Variants in KNSTRN observed in about 807,000 individuals in gnomAD.
KNSTRN encodes the protein kinetochore localized astrin (SPAG5) binding protein.
KNSTRN carries 38 observed loss-of-function variants against 44.7 expected under a neutral mutation model. The ratio of observed to expected loss-of-function variants is 0.85; its 90% CI spans 0.66 to 1.11. The LOEUF is 1.11. Among genes scored for constraint, KNSTRN ranks in the 50% most tolerant of loss-of-function variants. The pLI, the probability that KNSTRN is intolerant of heterozygous loss-of-function variation, is 0.00. For missense variants in KNSTRN, 406 were observed against 375.8 expected (o/e 1.08, Z -0.66); for synonymous variants, 158 against 148.1 (o/e 1.07, Z -0.48).
intron 8 of KNSTRN, 175 bp from the exon 9 acceptor site, chr15:40,393,294 T>C: frequency 1.2e-6 from 2 of 1,611,342 alleles, no homozygotes; most frequent in Admixed American, 3.4e-5. Flanking sequence ...AGAGGGACAA[T>C]TCCTAAAACC....
chr15:40,393,344 GT>G, intron 8 of KNSTRN, 124 bp from the exon 9 acceptor site: 1 of 1,598,770 alleles, frequency 6.3e-7, no homozygotes. Context: ...GATACAGTCT[GT>G]TGATACTCCA....
intron 7 of KNSTRN, 33 bp downstream of exon 7, chr15:40,391,587 T>A: frequency 6.5e-7 from 1 of 1,542,142 alleles, no homozygotes; most frequent in Non-Finnish European, 9.0e-7. Context: ...GCGCAAGGGC[T>A]GAGTGACTGT....
intron 2 of KNSTRN, among the ~76,000 whole-genome samples, chr15:40,385,355 A>G (rs1226595843): frequency 6.6e-6 from 1 of 152,212 alleles, no homozygotes; most frequent in Middle Eastern, 3.2e-3. Context: ...TGGCAGGGCC[A>G]TTTCTCTGGT....
intron 2 of KNSTRN, chr15:40,384,144 T>A (rs1299563666): frequency 4.9e-6 from 1 of 203,620 alleles, no homozygotes; most frequent in Non-Finnish European, 1.0e-5. Flanking sequence ...GAGGGCGAGG[T>A]GGGCAGATCA....
At chr15:40,383,943 G>A (rs1889858913) in intron 2 of KNSTRN, 1 of 153,624 alleles carries the variant, frequency 6.5e-6, no homozygotes, top group South Asian at 2.0e-4. Context: ...TGCAGTCGGG[G>A]AACTGCCTAA....
chr15:40,386,551 A>G (rs1306001190), intron 3 of KNSTRN, 57 bp downstream of exon 3: 3 of 1,576,094 alleles, frequency 1.9e-6, no homozygotes, highest in Admixed American at 1.8e-5. Flanking sequence ...TGCTCAATAC[A>G]AAGAATTAGA....
chr15:40,389,749 A>G (rs182892573), intron 5 of KNSTRN, 87 bp from the exon 6 acceptor site: 76 of 1,409,482 alleles, frequency 5.4e-5, no homozygotes, highest in African/African-American at 2.6e-4. Flanking sequence ...GGCTTTTGCT[A>G]TGGCTGTCCA....
chr15:40,389,625 C>G lies in KNSTRN; in HGVS notation c.591+14C>G. On this transcript the variant is annotated intron_variant, in intron 5 of 8. Coordinates refer to ENST00000249776, the MANE Select transcript of KNSTRN (RefSeq NM_033286.4). Reference sequence around the variant, plus strand: ...ACTGAAACTCAGGTAAGAGACCCACCAGAGCTCTGTTACCAGCTGCCACTG... The same window carrying G: ...ACTGAAACTCAGGTAAGAGACCCACGAGAGCTCTGTTACCAGCTGCCACTG... 1 of 1,579,610 alleles carries G rather than the reference C, an allele frequency of 6.3e-7. No homozygotes were observed. The highest frequency in any genetic ancestry group is 1.3e-5 in the African/African-American group (1 of 74,262).
chr15:40,389,989 G>A lies in KNSTRN; in HGVS notation c.685+60G>A, dbSNP rs1889971577. The A allele has an allele frequency of 3.0e-6, 4 of 1,350,686 alleles. No individual in the cohort carries two copies. The East Asian group carries it at 9.2e-5, about 31-fold the overall frequency. 83.7% of individuals were successfully genotyped at this position (1,350,686 alleles called of 1,614,324 possible). ...GAATTGGTGCATGTGCCCCTTCCGG[G>A]GTTGATCTTGGCAGCATGGCATCAG... On this transcript the variant is annotated intron_variant, in intron 6 of 8. Transcript: ENST00000249776.
chr15:40,389,810 GATCTGTCTGT>G lies in KNSTRN; in HGVS notation c.592-25_592-16del, dbSNP rs1889967593. 3 of 1,605,806 alleles carry G rather than the reference GATCTGTCTGT, an allele frequency of 1.9e-6. No individual in the cohort carries two copies. The highest frequency in any genetic ancestry group is 2.7e-5 in the African/African-American group (2 of 74,810). On this transcript the variant is annotated splice_polypyrimidine_tract_variant and intron_variant, in intron 5 of 8. Transcript: ENST00000249776. Reference sequence around the variant, plus strand: ...ACCCCTAGGGAGTTGGACAATTCCTGATCTGTCTGTGCTGTGCTCCAATAGGGAGAGCTGA... The same window carrying G: ...ACCCCTAGGGAGTTGGACAATTCCTGGCTGTGCTCCAATAGGGAGAGCTGA...
intron 2 of KNSTRN, chr15:40,383,928 G>C (rs1055586605): frequency 6.5e-6 from 1 of 153,468 alleles, no homozygotes; most frequent in Non-Finnish European, 1.5e-5. Flanking sequence ...TCATCTCATG[G>C]GGTCTGCAGT....
intron 6 of KNSTRN, among the ~76,000 whole-genome samples, chr15:40,391,240 A>C (rs893239905): frequency 6.6e-6 from 1 of 152,264 alleles, no homozygotes; most frequent in African/African-American, 2.4e-5. Flanking sequence ...CAAATTGTCC[A>C]CTGACCTAAG....
chr15:40,387,533 T>C (rs1201042302), intron 4 of KNSTRN, among the ~76,000 whole-genome samples: 1 of 152,116 alleles, frequency 6.6e-6, no homozygotes, highest in Non-Finnish European at 1.5e-5. Flanking sequence ...TGGGTGTATG[T>C]AGTTAGTGAT....
intron 8 of KNSTRN, 59 bp downstream of exon 8, chr15:40,392,082 G>T: frequency 1.0e-6 from 1 of 1,003,908 alleles, no homozygotes; most frequent in Non-Finnish European, 1.4e-6. Flanking sequence ...TTATAGTGGG[G>T]TCTTTTCTGT....
Position 40,389,836 on chromosome 15 carries a change from G to C in KNSTRN, c.592G>C (p.Gly198Arg). 6.2e-7 allele frequency: 1 copy of C among 1,614,074 alleles called. No individual in the cohort carries two copies. The highest frequency in any genetic ancestry group is 2.2e-5 in the East Asian group (1 of 44,892). ...QLHQKLTETQ[G>R]ELKDLTQKVE... ...ATCTGTCTGTGCTGTGCTCCAATAG[G>C]GAGAGCTGAAGGACCTGACCCAGAA... The change falls in exon 6 of 9, where the codon GGA becomes CGA. Residue 198 changes from glycine (G) to arginine (R), a missense_variant and splice_region_variant. Transcript: ENST00000249776.
chr15:40,389,640 A>C, intron 5 of KNSTRN, 29 bp downstream of exon 5: 1 of 1,526,246 alleles, frequency 6.6e-7, no homozygotes. Flanking sequence ...CTCTGTTACC[A>C]GCTGCCACTG....
At chr15:40,386,283 G>T in intron 2 of KNSTRN, 79 bp from the exon 3 acceptor site, 8 of 1,382,192 alleles carry the variant, frequency 5.8e-6, no homozygotes, top group South Asian at 2.8e-5. Flanking sequence ...TGACAACTTC[G>T]AATGGGGCTC....
chr15:40,391,909 T>C lies in KNSTRN; in HGVS notation c.748-40T>C, dbSNP rs576978532. 2.0e-6 allele frequency: 3 copies of C among 1,522,568 alleles called. No individual in the cohort carries two copies. In the Admixed American group the frequency reaches 5.5e-5, roughly 28 times the overall value. The allele number at this position is 1,522,568 out of a possible 1,614,324, so 94.3% of individuals were successfully genotyped here. A position where few individuals can be genotyped will look rare whatever the true frequency, so the allele number is the denominator to read the frequency against. ...CCATCATCTAATGCAAGTCTGGTTT[T>C]ATATGAAGATTTGTTTACTACATTG... On this transcript the variant is annotated intron_variant, in intron 7 of 8. Transcript: ENST00000249776.
At position 40,393,615 on chromosome 15, in the gene KNSTRN, G is replaced by C; in HGVS notation, c.*18G>C. 1 of 1,611,158 alleles carries C rather than the reference G, an allele frequency of 6.2e-7. No homozygotes were observed. Among genetic ancestry groups the C allele is most frequent in the Non-Finnish European group, 8.5e-7 (1 of 1,178,496 alleles). The stretch of plus-strand genomic sequence containing the variant: ...AAATGTAAGAAGAAGCAAGTGGCCA[G>C]ATGGCTCCCTCTTGGGCATAAAATC... On this transcript the variant is annotated 3_prime_UTR_variant, in exon 9 of 9. Coordinates refer to ENST00000249776, the MANE Select transcript of KNSTRN (RefSeq NM_033286.4).
Sources: allele counts gnomAD v4.1 joint callset (sites outside exome capture counted in the v4.1 genomes callset), GRCh38; gene constraint gnomAD v4.1.1; transcripts MANE v1.5; gene names NCBI Gene and HGNC (gene_info 2026-07-23, HGNC 2026-07-21).